The following KLF8 variants were observed in gnomAD, a reference collection of about 807,000 sequenced individuals.
KLF8 encodes the protein KLF transcription factor 8.
A neutral mutation model predicts 18.2 loss-of-function variants in KLF8; 10 were observed. That is an observed-to-expected ratio of 0.55 (90% confidence interval 0.34 to 0.93). The LOEUF (loss-of-function observed/expected upper bound fraction) is 0.93. KLF8 is among the 40% of genes least tolerant of loss of function. KLF8 has a pLI of 0.02. For synonymous variants in KLF8, 109 were observed against 97.3 expected (o/e 1.12, Z -0.71); for missense variants, 264 against 277.9 (o/e 0.95, Z 0.36).
At chrX:56,244,343 A>G (rs2066593505) in intron 1 of KLF8, among the ~76,000 whole-genome samples, 1 of 111,280 alleles carries the variant, frequency 9.0e-6, no homozygotes, top group South Asian at 3.8e-4. Context: ...ACACAACAAC[A>G]TGCCTGGCTA....
chrX:56,099,162 G>T, the KLF8 span, among the ~76,000 whole-genome samples: 206 of 111,767 alleles, frequency 1.8e-3, 1 homozygote, highest in African/African-American at 6.2e-3. Context: ...TGCTCATTTT[G>T]TGTCTCTGTC....
At chrX:56,221,123 G>C in the KLF8 span, among the ~76,000 whole-genome samples, 7 of 111,989 alleles carry the variant, frequency 6.3e-5, no homozygotes, top group Admixed American at 5.7e-4. Context: ...AAATAAATCT[G>C]TGCATTTCTG....
At chrX:56,111,373 A>G in the KLF8 span, among the ~76,000 whole-genome samples, 1 of 111,489 alleles carries the variant, frequency 9.0e-6, no homozygotes, top group Admixed American at 9.6e-5. Context: ...TGTAGATTCA[A>G]CAGTCTATCA....
At chrX:55,966,036 A>T in the KLF8 span, among the ~76,000 whole-genome samples, 1 of 112,179 alleles carries the variant, frequency 8.9e-6, no homozygotes, top group Admixed American at 9.4e-5. Context: ...TGGCATGTGG[A>T]GAGACTTGTC....
At chrX:56,277,722 A>G (rs965911812) in intron 5 of KLF8, among the ~76,000 whole-genome samples, 1 of 112,617 alleles carries the variant, frequency 8.9e-6, no homozygotes, top group African/African-American at 3.2e-5. Flanking sequence ...AGCCGTACTT[A>G]TGTCTTTTCC....
chrX:55,914,119 G>A, the KLF8 span, among the ~76,000 whole-genome samples: 3 of 111,721 alleles, frequency 2.7e-5, no homozygotes, highest in Non-Finnish European at 5.7e-5. Context: ...CATGGAAAGG[G>A]GTTCAGAGTA....
At chrX:56,243,292 C>A in intron 1 of KLF8, 1 of 395,593 alleles carries the variant, frequency 2.5e-6, no homozygotes, top group Non-Finnish European at 4.6e-6. Context: ...TGTGGATCTT[C>A]TTTTTTGTGT....
the KLF8 span, among the ~76,000 whole-genome samples, chrX:56,144,621 C>T: frequency 2.8e-5 from 3 of 105,642 alleles, no homozygotes; most frequent in Non-Finnish European, 3.9e-5. Flanking sequence ...GCCATGGTGG[C>T]GGGAGCCTGT....
At chrX:56,173,057 C>A in the KLF8 span, among the ~76,000 whole-genome samples, 3 of 109,525 alleles carry the variant, frequency 2.7e-5, no homozygotes, top group African/African-American at 1.0e-4. Flanking sequence ...GTTGCCTGTT[C>A]ACTCTGATGG....
the KLF8 span, among the ~76,000 whole-genome samples, chrX:55,989,179 T>C: frequency 8.9e-6 from 1 of 111,883 alleles, no homozygotes; most frequent in Non-Finnish European, 1.9e-5. Context: ...CTTTTCCTAA[T>C]TGAGTACCCT....
chrX:56,265,347 A>G lies in KLF8; in HGVS notation c.249A>G (p.Gln83=), dbSNP rs1014799068. Residue 83 remains glutamine, a synonymous_variant, in exon 3 of 6, where the codon CAA becomes CAG. Coordinates refer to ENST00000468660, the MANE Select transcript of KLF8 (RefSeq NM_007250.5). ...TGGCTAGTGATTTCAGCCTGCCCCA[A>G]GTGGAACCAGTTGACCTCTCCTTTC... ...ELLASDFSLP[Q]VEPVDLSFHK... The G allele has an allele frequency of 3.3e-6, 4 of 1,207,344 alleles. No individual in the cohort carries two copies. The highest frequency in any genetic ancestry group is 4.5e-6 in the Non-Finnish European group (4 of 894,110).
chrX:56,099,559 G>A, the KLF8 span, among the ~76,000 whole-genome samples: 8 of 111,991 alleles, frequency 7.1e-5, no homozygotes, highest in African/African-American at 2.6e-4. Flanking sequence ...TGAAAGCTAG[G>A]CCTCTTGCAT....
the KLF8 span, among the ~76,000 whole-genome samples, chrX:55,917,322 G>A: frequency 1.8e-5 from 2 of 112,006 alleles, no homozygotes; most frequent in African/African-American, 6.5e-5. Context: ...GATAAAGTCA[G>A]TTCAAGTTCC....
the KLF8 span, among the ~76,000 whole-genome samples, chrX:56,075,394 A>G: frequency 1.7e-3 from 186 of 110,744 alleles, no homozygotes; most frequent in Middle Eastern, 4.8e-3. Context: ...TTCTGAGTAC[A>G]TAGTAGGTGT....
the KLF8 span, among the ~76,000 whole-genome samples, chrX:56,090,095 G>T: frequency 8.9e-6 from 1 of 111,893 alleles, no homozygotes; most frequent in East Asian, 2.8e-4. Context: ...AGAATCATCT[G>T]TGCAGGTCAC....
chrX:56,004,097 A>C, the KLF8 span, among the ~76,000 whole-genome samples: 1 of 112,397 alleles, frequency 8.9e-6, no homozygotes, highest in African/African-American at 3.2e-5. Flanking sequence ...TAGAAGCTCC[A>C]GTTTCTTTTC....
the KLF8 span, among the ~76,000 whole-genome samples, chrX:56,197,822 C>T: frequency 1.4e-4 from 16 of 111,753 alleles, no homozygotes; most frequent in South Asian, 3.0e-3. Flanking sequence ...TGATGAACAT[C>T]GATGCAAAAA....
the KLF8 span, among the ~76,000 whole-genome samples, chrX:56,071,050 G>A: frequency 8.9e-6 from 1 of 111,862 alleles, no homozygotes; most frequent in Non-Finnish European, 1.9e-5. Context: ...GAAGAGAACA[G>A]ACTGAGTATA....
At chrX:56,214,258 A>AT in the KLF8 span, among the ~76,000 whole-genome samples, 1 of 112,036 alleles carries the variant, frequency 8.9e-6, no homozygotes, top group Admixed American at 9.4e-5. Context: ...GTTTGGGCTG[A>AT]TCTTCCAGGC....
Sources: gnomAD v4.1 joint callset for allele counts (sites outside exome capture counted in the v4.1 genomes callset) on GRCh38, gnomAD v4.1.1 for gene constraint, MANE v1.5 for transcripts, NCBI Gene and HGNC (gene_info 2026-07-23, HGNC 2026-07-21) for gene names.